HELZ: variants seen among roughly 807,000 people sequenced by gnomAD.
The protein encoded by HELZ is ATP-dependent RNA helicase with zinc finger domain.
Under a neutral mutation model 218.2 loss-of-function variants are expected in HELZ, and 23 were observed. The observed-to-expected ratio is 0.11, with a 90% confidence interval of 0.08 to 0.15. The LOEUF (loss-of-function observed/expected upper bound fraction) is 0.15. Among genes scored for constraint, HELZ ranks in the 10% least tolerant of loss-of-function variants. The pLI is 1.00. For synonymous variants in HELZ, 814 were observed against 829.4 expected (o/e 0.98, Z 0.32); for missense variants, 1,813 against 2,353.7 (o/e 0.77, Z 4.75).
intron 5 of HELZ, among the ~76,000 whole-genome samples, chr17:67,212,051 A>G (rs2040465405): frequency 6.6e-6 from 1 of 152,074 alleles, no homozygotes; most frequent in South Asian, 2.1e-4. Flanking sequence ...ATAGCCTGAC[A>G]GTAAGAGAAC....
At chr17:67,142,457 A>G (rs1395898186) in intron 21 of HELZ, among the ~76,000 whole-genome samples, 9 of 152,182 alleles carry the variant, frequency 5.9e-5, no homozygotes, top group Non-Finnish European at 2.9e-5. Context: ...GCAGTGAGCC[A>G]TAATCATGTC....
At chr17:67,240,187 T>G (rs1359508040) in intron 2 of HELZ, among the ~76,000 whole-genome samples, 1 of 152,228 alleles carries the variant, frequency 6.6e-6, no homozygotes, top group Non-Finnish European at 1.5e-5. Context: ...TCATTATTAC[T>G]TATCACAGAA....
chr17:67,224,093 G>T (rs1336163761), intron 3 of HELZ, among the ~76,000 whole-genome samples: 1 of 152,182 alleles, frequency 6.6e-6, no homozygotes, highest in African/African-American at 2.4e-5. Flanking sequence ...CAGGGATGTG[G>T]GGTGGCATGT....
At chr17:67,220,535 T>G (rs990352224) in intron 3 of HELZ, among the ~76,000 whole-genome samples, 1 of 152,148 alleles carries the variant, frequency 6.6e-6, no homozygotes, top group Admixed American at 6.5e-5. Context: ...TAGGCTCGAG[T>G]AGAGTGGCAC....
chr17:67,147,629 C>T (rs2038541722), intron 20 of HELZ, among the ~76,000 whole-genome samples: 1 of 151,900 alleles, frequency 6.6e-6, no homozygotes, highest in African/African-American at 2.4e-5. Context: ...AGGTGCATGC[C>T]ACCATGCCCT....
chr17:67,168,855 G>A (rs2039227469), intron 13 of HELZ, among the ~76,000 whole-genome samples: 1 of 152,170 alleles, frequency 6.6e-6, no homozygotes, highest in Admixed American at 6.5e-5. Flanking sequence ...ACTATGGGAG[G>A]CTAAGGCGGG....
intron 28 of HELZ, among the ~76,000 whole-genome samples, chr17:67,113,353 G>A (rs2037337777): frequency 6.6e-6 from 1 of 151,900 alleles, no homozygotes; most frequent in South Asian, 2.1e-4. Flanking sequence ...TCCGCCTCCT[G>A]GGTTCACGCC....
chr17:67,224,382 C>A, intron 3 of HELZ: 1 of 207,294 alleles, frequency 4.8e-6, no homozygotes, highest in South Asian at 7.8e-5. Context: ...CATCACCTGA[C>A]CCCTGAATCC....
intron 4 of HELZ, among the ~76,000 whole-genome samples, chr17:67,217,503 A>G (rs2040631150): frequency 6.6e-6 from 1 of 152,194 alleles, no homozygotes; most frequent in African/African-American, 2.4e-5. Flanking sequence ...CTGTTAAATT[A>G]GATCACACCA....
In HELZ at chr17:67,086,801, T is replaced by C. The variant is rs73340976; in HGVS notation, c.5494+28A>G. ...ATATCCGGGAGCTGAGGAGTACAGA[T>C]TAGTTTTAGCCACCAACTCTGTCTT... On this transcript the variant is annotated intron_variant, in intron 32 of 32. Transcript: ENST00000358691. 1.3e-3 allele frequency: 2,092 copies of C among 1,610,450 alleles called. 20 individuals carry two copies. In the African/African-American group the frequency reaches 0.025, roughly 19 times the overall value.
chr17:67,079,548 G>A (rs150073142), intron 32 of HELZ, among the ~76,000 whole-genome samples: 53 of 152,182 alleles, frequency 3.5e-4, no homozygotes, highest in African/African-American at 7.5e-4. Flanking sequence ...TGGGATGTAC[G>A]AGCCATACAA....
intron 22 of HELZ, among the ~76,000 whole-genome samples, chr17:67,137,074 G>A (rs1252164786): frequency 1.3e-5 from 2 of 152,004 alleles, no homozygotes; most frequent in African/African-American, 2.4e-5. Flanking sequence ...CCAGTCTCTG[G>A]CCAACGAGGG....
chr17:67,188,177 C>T lies in HELZ; in HGVS notation c.1162+142G>A. 1.4e-6 allele frequency: 1 copy of T among 730,516 alleles called. No homozygotes were observed. The highest frequency in any genetic ancestry group is 2.2e-6 in the Non-Finnish European group (1 of 448,748). 45.3% of individuals were successfully genotyped at this position (730,516 alleles called of 1,614,324 possible). Reference sequence around the variant, plus strand: ...TGTGAATCATTATAAGCCCATTACACAGTAAATGAGTCAATTAAGTTGGGA... The same window carrying T: ...TGTGAATCATTATAAGCCCATTACATAGTAAATGAGTCAATTAAGTTGGGA... On this transcript the variant is annotated intron_variant, in intron 12 of 32. Coordinates refer to ENST00000358691, the MANE Select transcript of HELZ (RefSeq NM_014877.4). This position sits in a 1 kb window ranked among gnomAD's most constrained non-coding sequence, Gnocchi z 4.1.
chr17:67,139,895 A>G (rs531293969), intron 21 of HELZ, among the ~76,000 whole-genome samples: 1 of 152,172 alleles, frequency 6.6e-6, no homozygotes, highest in African/African-American at 2.4e-5. Flanking sequence ...TATGATAAGC[A>G]GTTGGTAGTA....
chr17:67,230,098 A>G (rs1037825138), intron 3 of HELZ, among the ~76,000 whole-genome samples: 1 of 152,204 alleles, frequency 6.6e-6, no homozygotes, highest in Non-Finnish European at 1.5e-5. Flanking sequence ...TCTAAAAATT[A>G]TATCAACAGC....
At chr17:67,198,966 A>C (rs1188068522) in intron 7 of HELZ, among the ~76,000 whole-genome samples, 1 of 152,244 alleles carries the variant, frequency 6.6e-6, no homozygotes, top group Non-Finnish European at 1.5e-5. Context: ...CCTTACATGC[A>C]ACAGGATTAT....
chr17:67,207,940 A>G (rs1440492782), intron 5 of HELZ, among the ~76,000 whole-genome samples: 1 of 152,202 alleles, frequency 6.6e-6, no homozygotes, highest in African/African-American at 2.4e-5. Flanking sequence ...CTGAAGTTGC[A>G]GTGAGCTGAG....
chr17:67,137,245 A>G (rs1204575832), intron 22 of HELZ, among the ~76,000 whole-genome samples: 4 of 152,136 alleles, frequency 2.6e-5, no homozygotes, highest in African/African-American at 4.8e-5. Flanking sequence ...AGGCCAAACA[A>G]TCCTAGTTTT....
chr17:67,226,295 C>CTT (rs901691726), intron 3 of HELZ, among the ~76,000 whole-genome samples: 1 of 146,238 alleles, frequency 6.8e-6, no homozygotes, highest in Non-Finnish European at 1.5e-5. Context: ...AAAAAAAGAA[C>CTT]TCCCAACAGT....
Sources: allele counts gnomAD v4.1 joint callset (sites outside exome capture counted in the v4.1 genomes callset), GRCh38; gene constraint gnomAD v4.1.1; non-coding constraint Gnocchi (gnomAD v3.1); transcripts MANE v1.5; gene names NCBI Gene and HGNC (gene_info 2026-07-23, HGNC 2026-07-21).